TMEM132C: variants seen among roughly 807,000 people sequenced by gnomAD.
The protein encoded by TMEM132C is protein phosphatase 1, regulatory subunit 152.
In TMEM132C, 29 loss-of-function variants were observed where a neutral mutation model predicts 61.4. That is an observed-to-expected ratio of 0.47 (90% CI 0.35 to 0.64). The LOEUF is 0.64. TMEM132C is among the 30% of genes least tolerant of loss of function. The probability of loss-of-function intolerance (pLI) is 0.00; values close to 1 mark genes in which losing one functional copy is unlikely to be tolerated. For missense variants in TMEM132C, 1,408 were observed against 1,476.9 expected (o/e 0.95, Z 0.76); for synonymous variants, 656 against 633.1 (o/e 1.04, Z -0.54).
intron 2 of TMEM132C, among the ~76,000 whole-genome samples, chr12:128,469,550 C>T (rs749276954): frequency 2.3e-4 from 35 of 151,992 alleles, no homozygotes; most frequent in Admixed American, 3.3e-4. Context: ...CTCCTGAACT[C>T]GAGAGATACA....
intron 2 of TMEM132C, among the ~76,000 whole-genome samples, chr12:128,469,152 C>T (rs1227937850): frequency 6.6e-6 from 1 of 152,136 alleles, no homozygotes; most frequent in African/African-American, 2.4e-5. Context: ...TCTCTGATTT[C>T]CTAATTCTGT....
At chr12:128,277,922 A>G (rs1318842795) in intron 1 of TMEM132C, among the ~76,000 whole-genome samples, 1 of 151,936 alleles carries the variant, frequency 6.6e-6, no homozygotes, top group African/African-American at 2.4e-5. Context: ...ACCTTCATTC[A>G]TTCTTCTCTC....
intron 1 of TMEM132C, among the ~76,000 whole-genome samples, chr12:128,284,677 A>G (rs542151457): frequency 1.6e-4 from 24 of 152,322 alleles, no homozygotes; most frequent in Non-Finnish European, 3.1e-4. Context: ...AAATAAGACA[A>G]TTTCTACCTA....
chr12:128,348,935 A>C (rs551353168), intron 1 of TMEM132C, among the ~76,000 whole-genome samples: 1 of 152,144 alleles, frequency 6.6e-6, no homozygotes. Context: ...CATGTTTTCT[A>C]TTTGAAAAAT....
chr12:128,315,208 A>G (rs965477265), intron 1 of TMEM132C, among the ~76,000 whole-genome samples: 2 of 152,180 alleles, frequency 1.3e-5, no homozygotes, highest in African/African-American at 4.8e-5. Flanking sequence ...AGTCCGAGGT[A>G]CAAGAGAGCT....
At chr12:128,304,479 G>A (rs985252880) in intron 1 of TMEM132C, among the ~76,000 whole-genome samples, 1 of 151,988 alleles carries the variant, frequency 6.6e-6, no homozygotes, top group African/African-American at 2.4e-5. Context: ...CATGGTGGCG[G>A]GCACCTGTAA....
chr12:128,691,899 G>A (rs1342319523), intron 5 of TMEM132C, among the ~76,000 whole-genome samples: 2 of 149,160 alleles, frequency 1.3e-5, no homozygotes, highest in African/African-American at 5.0e-5. Flanking sequence ...CTGTCCATCA[G>A]TGTGTCCATC....
At position 128,324,614 on chromosome 12, in the gene TMEM132C, C is replaced by G. The variant is rs538039782; in HGVS notation, c.85+57127C>G. On this transcript the variant is annotated intron_variant, in intron 1 of 8. Coordinates refer to ENST00000435159, the MANE Select transcript of TMEM132C (RefSeq NM_001136103.3). The stretch of plus-strand genomic sequence containing the variant: ...GTGGCTCACGTCTGTAATCCCAGCA[C>G]CTTGGGAGGCCGAGGCGGGACGATC... 2.7e-3 allele frequency among the ~76,000 whole-genome samples: 406 copies of G among 152,264 alleles called. 4 individuals are homozygous for G. Among genetic ancestry groups the G allele is most frequent in the African/African-American group, 9.6e-3 (399 of 41,542 alleles).
intron 3 of TMEM132C, among the ~76,000 whole-genome samples, chr12:128,582,083 A>AGT (rs1468071797): frequency 3.3e-5 from 5 of 152,256 alleles, no homozygotes; most frequent in African/African-American, 1.2e-4. Context: ...CGAGGAGACC[A>AGT]CCATAGAAGA....
At chr12:128,336,925 C>T (rs2135950234) in intron 1 of TMEM132C, among the ~76,000 whole-genome samples, 1 of 152,248 alleles carries the variant, frequency 6.6e-6, no homozygotes, top group Admixed American at 6.5e-5. Context: ...GCATTTGTGC[C>T]AGCTTGGGTT....
chr12:128,304,186 T>C (rs1016912508), intron 1 of TMEM132C, among the ~76,000 whole-genome samples: 1 of 152,218 alleles, frequency 6.6e-6, no homozygotes. Flanking sequence ...CACATCCTTT[T>C]AATTTATCTT....
intron 2 of TMEM132C, among the ~76,000 whole-genome samples, chr12:128,525,346 C>CTCTT (rs1555229772): frequency 1.1e-3 from 141 of 133,950 alleles, no homozygotes; most frequent in African/African-American, 1.7e-3. Flanking sequence ...CTCTCTCTTT[C>CTCTT]TCTCTCTCTC....
chr12:128,395,861 A>T (rs551037686), intron 1 of TMEM132C, among the ~76,000 whole-genome samples: 1 of 152,304 alleles, frequency 6.6e-6, no homozygotes, highest in Admixed American at 6.5e-5. Context: ...GGATGGGAAG[A>T]ATATATAAAC....
intron 2 of TMEM132C, among the ~76,000 whole-genome samples, chr12:128,506,805 A>G (rs1226204419): frequency 1.3e-5 from 2 of 152,186 alleles, no homozygotes; most frequent in African/African-American, 4.8e-5. Flanking sequence ...TCCATTGGCC[A>G]CAGTGTTTGC....
intron 3 of TMEM132C, among the ~76,000 whole-genome samples, chr12:128,547,399 C>CA (rs3044078): frequency 0.49 from 68,177 of 139,358 alleles, 18,092 homozygotes; most frequent in Non-Finnish European, 0.61. Context: ...ACTAAAAATA[C>CA]AAAAAAAAAA....
At chr12:128,543,395 C>T (rs1873829162) in intron 2 of TMEM132C, among the ~76,000 whole-genome samples, 1 of 152,176 alleles carries the variant, frequency 6.6e-6, no homozygotes, top group Non-Finnish European at 1.5e-5. Flanking sequence ...CAAATTTGCA[C>T]CGCTAGGAAG....
intron 4 of TMEM132C, among the ~76,000 whole-genome samples, chr12:128,662,148 G>A (rs967383254): frequency 6.6e-6 from 1 of 152,126 alleles, no homozygotes; most frequent in African/African-American, 2.4e-5. Flanking sequence ...AAATGTGTTT[G>A]GATGTCTGCT....
chr12:128,278,341 G>C lies in TMEM132C; in HGVS notation c.85+10854G>C, dbSNP rs1870760582. On this transcript the variant is annotated intron_variant, in intron 1 of 8. Coordinates refer to ENST00000435159, the MANE Select transcript of TMEM132C (RefSeq NM_001136103.3). This position sits in a 1 kb window ranked among gnomAD's most constrained non-coding sequence, Gnocchi z 4.2. ...TTTATTTTCCACTGTTTAATTGTAAGCAATGAATTGACTGAGAGAGCAGAC... is the reference window on the plus strand; with the variant it reads ...TTTATTTTCCACTGTTTAATTGTAACCAATGAATTGACTGAGAGAGCAGAC... Among the ~76,000 whole-genome samples, 1 of 152,160 alleles carries C rather than the reference G, an allele frequency of 6.6e-6. No individual in the cohort carries two copies. Among genetic ancestry groups the C allele is most frequent in the Non-Finnish European group, 1.5e-5 (1 of 68,032 alleles).
At chr12:128,424,033 C>T (rs193275510) in intron 2 of TMEM132C, among the ~76,000 whole-genome samples, 4,266 of 113,942 alleles carry the variant, frequency 0.037, 120 homozygotes, top group African/African-American at 0.089. Flanking sequence ...GGCAACAGAG[C>T]GAGACTCTGT....
Sources: gnomAD v4.1 joint callset for allele counts (sites outside exome capture counted in the v4.1 genomes callset) on GRCh38, gnomAD v4.1.1 for gene constraint, Gnocchi (gnomAD v3.1) non-coding constraint, MANE v1.5 for transcripts, NCBI Gene and HGNC (gene_info 2026-07-23, HGNC 2026-07-21) for gene names.